Variants in TRAF3IP1 observed in about 807,000 individuals in gnomAD.
The protein encoded by TRAF3IP1 is TRAF3-interacting protein 1.
TRAF3IP1 carries 53 observed loss-of-function variants against 89.9 expected under a neutral mutation model. The observed-to-expected ratio is 0.59, with a 90% CI of 0.47 to 0.74. TRAF3IP1 has a LOEUF of 0.74. TRAF3IP1 is among the 30% of genes least tolerant of loss of function. The pLI is 0.00. For missense variants in TRAF3IP1, 806 were observed against 866.1 expected, an observed-to-expected ratio of 0.93 and a Z score of 0.87; for synonymous variants, 311 against 322.1, an observed-to-expected ratio of 0.97 and a Z score of 0.37.
At position 238,329,198 on chromosome 2, in the gene TRAF3IP1, A is replaced by G. The variant is rs1251509439; in HGVS notation, c.771A>G (p.Lys257=). ...KETERKSEGG[K]EKERLRDRDR... ...CAGAGAGAAAGAGTGAGGGGGGGAA[A>G]GAGAAGGAGAGACTGAGAGACAGGG... The change falls in exon 5 of 17, where the codon AAA becomes AAG. Residue 257 remains lysine (K), a synonymous_variant. Coordinates refer to ENST00000373327, the MANE Select transcript of TRAF3IP1 (RefSeq NM_015650.4). 6.4e-7 allele frequency: 1 copy of G among 1,569,480 alleles called. No homozygotes were observed. Among genetic ancestry groups the G allele is most frequent in the East Asian group, 2.3e-5 (1 of 44,370 alleles).
In TRAF3IP1 at chr2:238,351,583, C is replaced by T. The variant is rs1463408509; in HGVS notation, c.1452-1244C>T. On this transcript the variant is annotated intron_variant, in intron 12 of 16. Coordinates refer to ENST00000373327, the MANE Select transcript of TRAF3IP1 (RefSeq NM_015650.4). This position sits in a 1 kb window ranked among gnomAD's most constrained non-coding sequence, Gnocchi z 5.2. Reference sequence around the variant, plus strand: ...AGGTGTTGAGGAGGTGGATCGTGGGCCACAGTGAGGGTGTGCTGGGAGCGT... The same window carrying T: ...AGGTGTTGAGGAGGTGGATCGTGGGTCACAGTGAGGGTGTGCTGGGAGCGT... 6.6e-6 allele frequency among the ~76,000 whole-genome samples: 1 copy of T among 151,954 alleles called. No individual in the cohort carries two copies. Among genetic ancestry groups the T allele is most frequent in the Non-Finnish European group, 1.5e-5 (1 of 67,972 alleles).
chr2:238,343,940 T>A (rs1360458797), intron 8 of TRAF3IP1, among the ~76,000 whole-genome samples: 1 of 151,648 alleles, frequency 6.6e-6, no homozygotes, highest in Non-Finnish European at 1.5e-5. Context: ...ATTATAGGTG[T>A]GAGCCACTGT....
intron 14 of TRAF3IP1, among the ~76,000 whole-genome samples, chr2:238,354,206 T>G (rs957271392): frequency 6.6e-6 from 1 of 152,180 alleles, no homozygotes; most frequent in African/African-American, 2.4e-5. Context: ...TTTAGACACA[T>G]CCCAGTACAC....
chr2:238,359,806 G>C (rs940803094), intron 15 of TRAF3IP1, among the ~76,000 whole-genome samples: 1 of 152,174 alleles, frequency 6.6e-6, no homozygotes, highest in African/African-American at 2.4e-5. Flanking sequence ...ACTGTGGATA[G>C]TACCAAACCC....
intron 15 of TRAF3IP1, 93 bp downstream of exon 15, chr2:238,356,173 C>G: frequency 9.9e-7 from 1 of 1,012,236 alleles, no homozygotes; most frequent in Non-Finnish European, 1.5e-6. Flanking sequence ...TCAATATTAC[C>G]ATTATCAGTG....
intron 8 of TRAF3IP1, among the ~76,000 whole-genome samples, chr2:238,341,618 A>G (rs138114565): frequency 1.3e-5 from 2 of 152,008 alleles, no homozygotes; most frequent in Non-Finnish European, 2.9e-5. Context: ...CACTGGCCGA[A>G]TGATGGACCT....
chr2:238,347,754 A>G (rs1698962419), intron 10 of TRAF3IP1, among the ~76,000 whole-genome samples: 2 of 151,950 alleles, frequency 1.3e-5, no homozygotes, highest in Admixed American at 6.6e-5. Context: ...CAGCCTCCTG[A>G]GTAGCTGGGA....
At chr2:238,365,721 G>A (rs1262919943) in intron 15 of TRAF3IP1, among the ~76,000 whole-genome samples, 1 of 151,902 alleles carries the variant, frequency 6.6e-6, no homozygotes, top group Non-Finnish European at 1.5e-5. Flanking sequence ...TACTCTGTTG[G>A]TAAGACTTTA....
intron 15 of TRAF3IP1, among the ~76,000 whole-genome samples, chr2:238,370,251 AT>A (rs955651233): frequency 1.4e-5 from 2 of 145,090 alleles, no homozygotes; most frequent in African/African-American, 5.5e-5. Flanking sequence ...ATGTGTATAT[AT>A]GTGTGTGCAT....
In TRAF3IP1 at chr2:238,351,057, G is replaced by T. The variant is rs375256489; in HGVS notation, c.1451+1649G>T. Among the ~76,000 whole-genome samples, 2 of 152,250 alleles carry T rather than the reference G, an allele frequency of 1.3e-5. No homozygotes were observed. The highest frequency in any genetic ancestry group is 3.9e-4 in the East Asian group (2 of 5,172). ...AGGATTGTTGGAGTCAGGTCCTAGG[G>T]CGGTGAGCTGGGAATATAGATAGTG... On this transcript the variant is annotated intron_variant, in intron 12 of 16. Transcript: ENST00000373327. The surrounding 1 kb of genome is among the most constrained non-coding windows in gnomAD (Gnocchi z 5.2).
At chr2:238,390,885 G>A (rs80198142) in intron 15 of TRAF3IP1, among the ~76,000 whole-genome samples, 1,847 of 152,168 alleles carry the variant, frequency 0.012, 41 homozygotes, top group African/African-American at 0.043. Flanking sequence ...TGCTGCCCCC[G>A]AATCCTCCTA....
At position 238,398,927 on chromosome 2, in the gene TRAF3IP1, A is replaced by G. The variant is rs909904907; in HGVS notation, c.*8A>G. 17 of 1,588,286 alleles carry G rather than the reference A, an allele frequency of 1.1e-5. No homozygotes were observed. The highest frequency in any genetic ancestry group is 5.7e-5 in the Admixed American group (3 of 52,410). On this transcript the variant is annotated 3_prime_UTR_variant, in exon 17 of 17. Transcript: ENST00000373327. ...TTGACTTCGAGAAGGTGAACACTCA[A>G]AAGTTTCAGAGATGAAAAGTCACCT...
In TRAF3IP1 at chr2:238,323,013, C is replaced by T. The variant is rs1165660581; in HGVS notation, c.123+2228C>T. ...TTAGCTATAGCTACACTAACCACCCCGTTTCATTAAGCTAAGTGTGGATAC... is the reference window on the plus strand; with the variant it reads ...TTAGCTATAGCTACACTAACCACCCTGTTTCATTAAGCTAAGTGTGGATAC... On this transcript the variant is annotated intron_variant, in intron 1 of 16. Coordinates refer to ENST00000373327, the MANE Select transcript of TRAF3IP1 (RefSeq NM_015650.4). Among the ~76,000 whole-genome samples the T allele has an allele frequency of 5.3e-5, 8 of 152,190 alleles. No individual in the cohort carries two copies. The East Asian group carries it at 5.8e-4, about 11-fold the overall frequency.
chr2:238,350,332 G>T (rs1281509219), intron 12 of TRAF3IP1, among the ~76,000 whole-genome samples: 1 of 152,152 alleles, frequency 6.6e-6, no homozygotes, highest in Non-Finnish European at 1.5e-5. Context: ...CAGGGGTTTG[G>T]TGGAGCAGAG....
chr2:238,393,964 C>T (rs548056437), intron 15 of TRAF3IP1, among the ~76,000 whole-genome samples: 1 of 152,168 alleles, frequency 6.6e-6, no homozygotes, highest in African/African-American at 2.4e-5. Flanking sequence ...TTTGGGAGGC[C>T]GAGATGGGAG....
At chr2:238,371,289 GT>G (rs56665765) in intron 15 of TRAF3IP1, among the ~76,000 whole-genome samples, 3 of 151,520 alleles carry the variant, frequency 2.0e-5, no homozygotes, top group African/African-American at 4.9e-5. Flanking sequence ...GTTTGTTTTT[GT>G]TTTTTTTGGT....
intron 8 of TRAF3IP1, among the ~76,000 whole-genome samples, chr2:238,340,414 C>T (rs1393977153): frequency 6.6e-6 from 1 of 152,184 alleles, no homozygotes; most frequent in African/African-American, 2.4e-5. Context: ...ACCCGGCCCT[C>T]GTGAGCCCTG....
intron 5 of TRAF3IP1, among the ~76,000 whole-genome samples, chr2:238,330,752 G>T (rs1177728880): frequency 1.3e-5 from 2 of 152,226 alleles, no homozygotes; most frequent in African/African-American, 2.4e-5. Context: ...GGGATGGGGG[G>T]TGCCTACTGG....
rs542262809 is a variant in TRAF3IP1 at position 238,396,876 on chromosome 2, G to GTGCTGCTGGC, written c.1690-562_1690-553dup. 1.1e-3 allele frequency among the ~76,000 whole-genome samples: 173 copies of GTGCTGCTGGC among 152,244 alleles called. 2 individuals are homozygous for GTGCTGCTGGC. Among genetic ancestry groups the GTGCTGCTGGC allele is most frequent in the African/African-American group, 4.0e-3 (167 of 41,550 alleles). Reference sequence around the variant, plus strand: ...GTCGACCTGACCATCTGCCTGCTGGGTGCTGCTGGCTGCTGCTGGCTGCTG... The same window carrying GTGCTGCTGGC: ...GTCGACCTGACCATCTGCCTGCTGGGTGCTGCTGGCTGCTGCTGGCTGCTGCTGGCTGCTG... On this transcript the variant is annotated intron_variant, in intron 15 of 16. Transcript: ENST00000373327.
Sources: gnomAD v4.1 joint callset for allele counts (sites outside exome capture counted in the v4.1 genomes callset) on GRCh38, gnomAD v4.1.1 for gene constraint, Gnocchi (gnomAD v3.1) non-coding constraint, MANE v1.5 for transcripts, NCBI Gene and HGNC (gene_info 2026-07-23, HGNC 2026-07-21) for gene names.